The following FAM53B variants were observed in gnomAD, a reference collection of about 807,000 sequenced individuals.
FAM53B encodes the protein protein FAM53B.
Under a neutral mutation model 32.7 loss-of-function variants are expected in FAM53B, and 12 were observed. The observed-to-expected ratio is 0.37, with a 90% CI of 0.24 to 0.59. The LOEUF (loss-of-function observed/expected upper bound fraction) is 0.59. Ranked by LOEUF, FAM53B falls within the 20% of genes least tolerant of loss-of-function variation. The pLI, the probability that FAM53B is intolerant of heterozygous loss-of-function variation, is 0.72. For missense variants in FAM53B, 477 were observed against 577.7 expected, an observed-to-expected ratio of 0.83 and a Z score of 1.79; for synonymous variants, 234 against 228.7, an observed-to-expected ratio of 1.02 and a Z score of -0.21.
chr10:124,744,269 G>T lies in FAM53B; in HGVS notation c.-431C>A. 6.8e-6 allele frequency: 1 copy of T among 147,578 alleles called. No individual in the cohort carries two copies. Among genetic ancestry groups the T allele is most frequent in the South Asian group, 1.9e-4 (1 of 5,304 alleles). 9.1% of individuals were successfully genotyped at this position (147,578 alleles called of 1,614,324 possible). On this transcript the variant is annotated 5_prime_UTR_variant, in exon 1 of 5. Coordinates refer to ENST00000337318, the MANE Select transcript of FAM53B (RefSeq NM_014661.4). Reference sequence around the variant, plus strand: ...CGGAGCCGCCAGACCGCGGCTGCGTGAACTCGGCCCGGCGCTTAGCGGGCG... The same window carrying T: ...CGGAGCCGCCAGACCGCGGCTGCGTTAACTCGGCCCGGCGCTTAGCGGGCG...
At chr10:124,630,878 C>G (rs139575179) in intron 4 of FAM53B, among the ~76,000 whole-genome samples, 137 of 152,348 alleles carry the variant, frequency 9.0e-4, no homozygotes, top group African/African-American at 3.2e-3. Flanking sequence ...GTTCCAGAAG[C>G]CAGTACAGCA....
At chr10:124,726,287 C>A (rs1213588705) in intron 1 of FAM53B, among the ~76,000 whole-genome samples, 4 of 152,134 alleles carry the variant, frequency 2.6e-5, no homozygotes, top group Non-Finnish European at 5.9e-5. Flanking sequence ...TACTACCCAC[C>A]CCCAGCATGT....
At chr10:124,725,299 C>T (rs1370806436) in intron 1 of FAM53B, among the ~76,000 whole-genome samples, 1 of 152,174 alleles carries the variant, frequency 6.6e-6, no homozygotes, top group Non-Finnish European at 1.5e-5. Context: ...CACCTGCTTC[C>T]CCAGATGGGT....
intron 1 of FAM53B, among the ~76,000 whole-genome samples, chr10:124,720,657 G>C (rs773123639): frequency 6.6e-6 from 1 of 152,126 alleles, no homozygotes; most frequent in Non-Finnish European, 1.5e-5. Context: ...AAAAGCCTGC[G>C]TGGCAGGCAA....
chr10:124,675,352 C>A (rs969436590), intron 4 of FAM53B, among the ~76,000 whole-genome samples: 1 of 152,200 alleles, frequency 6.6e-6, no homozygotes, highest in Admixed American at 6.5e-5. Flanking sequence ...TGCCAGCATG[C>A]GCCACAGCTG....
intron 4 of FAM53B, among the ~76,000 whole-genome samples, chr10:124,639,306 G>A (rs374530616): frequency 6.6e-6 from 1 of 152,200 alleles, no homozygotes; most frequent in Admixed American, 6.5e-5. Flanking sequence ...TCCTTAAAGA[G>A]TACTGGAGGT....
At chr10:124,639,849 G>A (rs1224426958) in intron 4 of FAM53B, among the ~76,000 whole-genome samples, 1 of 151,994 alleles carries the variant, frequency 6.6e-6, no homozygotes, top group Non-Finnish European at 1.5e-5. Context: ...TCATCATCCA[G>A]GCACAAGGGA....
At chr10:124,737,431 A>C (rs888019495) in intron 1 of FAM53B, among the ~76,000 whole-genome samples, 4 of 152,180 alleles carry the variant, frequency 2.6e-5, no homozygotes, top group African/African-American at 9.7e-5. Context: ...TTGGCTAATG[A>C]ACTCTGTGAG....
At chr10:124,723,696 C>A (rs1950083983) in intron 1 of FAM53B, among the ~76,000 whole-genome samples, 1 of 152,224 alleles carries the variant, frequency 6.6e-6, no homozygotes, top group Non-Finnish European at 1.5e-5. Flanking sequence ...GCGGGCAGCA[C>A]TTGCAGGGCC....
At chr10:124,720,459 T>C (rs1950062325) in intron 1 of FAM53B, among the ~76,000 whole-genome samples, 1 of 152,018 alleles carries the variant, frequency 6.6e-6, no homozygotes, top group Non-Finnish European at 1.5e-5. Flanking sequence ...GGTCCTAGCT[T>C]CGAAAATAAT....
chr10:124,657,473 C>T (rs1949600745), intron 4 of FAM53B, among the ~76,000 whole-genome samples: 2 of 152,150 alleles, frequency 1.3e-5, no homozygotes. Context: ...AGAAAAAGGA[C>T]TGCAAGGAAC....
chr10:124,717,043 A>G lies in FAM53B; in HGVS notation c.-174-10156T>C, dbSNP rs140765822. Reference sequence around the variant, plus strand: ...AACCAACAGAAGAGGGGTGGAAAAAAAAGATTTAAAAACAAAAATGGAAAG... The same window carrying G: ...AACCAACAGAAGAGGGGTGGAAAAAGAAGATTTAAAAACAAAAATGGAAAG... On this transcript the variant is annotated intron_variant, in intron 1 of 4. Coordinates refer to ENST00000337318, the MANE Select transcript of FAM53B (RefSeq NM_014661.4). Among the ~76,000 whole-genome samples the G allele has an allele frequency of 3.0e-4, 46 of 152,314 alleles. No individual in the cohort carries two copies. The East Asian group carries it at 7.1e-3, about 24-fold the overall frequency.
At chr10:124,661,474 C>G (rs956679695) in intron 4 of FAM53B, among the ~76,000 whole-genome samples, 1 of 152,174 alleles carries the variant, frequency 6.6e-6, no homozygotes, top group Non-Finnish European at 1.5e-5. Context: ...TGAAAGGGCC[C>G]AAACAGGATC....
Position 124,682,488 on chromosome 10 carries a change from A to C in FAM53B, c.134-109T>G. On this transcript the variant is annotated intron_variant, in intron 3 of 4. Coordinates refer to ENST00000337318, the MANE Select transcript of FAM53B (RefSeq NM_014661.4). The surrounding 1 kb of genome is among the most constrained non-coding windows in gnomAD (Gnocchi z 5.2). ...TTCAAACACAGTATCTTAGAGCCAA[A>C]AGGCCCTTAGAAACCATCCAGTCCA... 1.0e-6 allele frequency: 1 copy of C among 981,224 alleles called. No individual in the cohort carries two copies. The highest frequency in any genetic ancestry group is 1.5e-6 in the Non-Finnish European group (1 of 680,050). 60.8% of individuals were successfully genotyped at this position (981,224 alleles called of 1,614,324 possible).
At chr10:124,718,900 T>C (rs992210820) in intron 1 of FAM53B, among the ~76,000 whole-genome samples, 1 of 152,086 alleles carries the variant, frequency 6.6e-6, no homozygotes, top group African/African-American at 2.4e-5. Flanking sequence ...ATTTAAAAAA[T>C]AGCCAGGTAT....
At chr10:124,730,784 T>C (rs1302171748) in intron 1 of FAM53B, among the ~76,000 whole-genome samples, 1 of 152,236 alleles carries the variant, frequency 6.6e-6, no homozygotes, top group African/African-American at 2.4e-5. Context: ...CACATGAGGC[T>C]ACAGCTAACA....
At chr10:124,652,880 C>G (rs1272459296) in intron 4 of FAM53B, among the ~76,000 whole-genome samples, 1 of 152,210 alleles carries the variant, frequency 6.6e-6, no homozygotes, top group Non-Finnish European at 1.5e-5. Flanking sequence ...AGCCTCTTGC[C>G]TCTCCAGCCC....
Position 124,695,442 on chromosome 10 carries a change from A to C in FAM53B, c.133+716T>G, listed in dbSNP as rs1486783462. On this transcript the variant is annotated intron_variant, in intron 3 of 4. Transcript: ENST00000337318. ...TCTTCTCTGGAAGGCATGTCAGCAA[A>C]ATGAATCAAGAGCCTTAAAAATGTC... Among the ~76,000 whole-genome samples, 3 of 152,330 alleles carry C rather than the reference A, an allele frequency of 2.0e-5. No individual in the cohort carries two copies. The East Asian group carries it at 5.8e-4, about 29-fold the overall frequency.
intron 3 of FAM53B, among the ~76,000 whole-genome samples, chr10:124,683,898 A>C (rs758434194): frequency 7.2e-5 from 11 of 152,232 alleles, no homozygotes; most frequent in South Asian, 2.1e-4. Flanking sequence ...GACATACCCC[A>C]GCTGAGCGTC....
Sources: allele counts gnomAD v4.1 joint callset (sites outside exome capture counted in the v4.1 genomes callset), GRCh38; gene constraint gnomAD v4.1.1; non-coding constraint Gnocchi (gnomAD v3.1); transcripts MANE v1.5; gene names NCBI Gene and HGNC (gene_info 2026-07-23, HGNC 2026-07-21).